DPYD: variants seen among roughly 807,000 people sequenced by gnomAD.
DPYD encodes the protein dihydropyrimidine dehydrogenase.
DPYD carries 109 observed loss-of-function variants against 116.2 expected under a neutral mutation model. The ratio of observed to expected loss-of-function variants is 0.94; its 90% CI spans 0.80 to 1.10. DPYD has a LOEUF of 1.10. Among genes scored for constraint, DPYD ranks in the 50% least tolerant of loss-of-function variants. DPYD has a pLI of 0.00. For missense variants in DPYD, 1,302 were observed against 1,254.5 expected (o/e 1.04, Z -0.57); for synonymous variants, 440 against 432.0 (o/e 1.02, Z -0.23).
intron 11 of DPYD, among the ~76,000 whole-genome samples, chr1:97,573,433 C>T (rs994171903): frequency 6.6e-6 from 1 of 151,990 alleles, no homozygotes. Context: ...AACTACTCTG[C>T]CTCATTTTCT....
At chr1:97,269,751 T>C (rs1015725024) in intron 18 of DPYD, among the ~76,000 whole-genome samples, 3 of 152,046 alleles carry the variant, frequency 2.0e-5, no homozygotes, top group African/African-American at 7.2e-5. Context: ...CCTATTGCAT[T>C]AGGGACCCAC....
chr1:97,750,852 T>G (rs1391639178), intron 3 of DPYD, among the ~76,000 whole-genome samples: 1 of 152,156 alleles, frequency 6.6e-6, no homozygotes, highest in Non-Finnish European at 1.5e-5. Flanking sequence ...GACTTGAGTA[T>G]GTGCAAATTT....
At chr1:97,688,249 T>C (rs1660838549) in intron 7 of DPYD, among the ~76,000 whole-genome samples, 1 of 152,178 alleles carries the variant, frequency 6.6e-6, no homozygotes, top group Non-Finnish European at 1.5e-5. Flanking sequence ...TTGATAACTG[T>C]TTATTTTAAA....
At chr1:97,855,889 G>A (rs760012866) in intron 2 of DPYD, 2 of 152,206 alleles carry the variant, frequency 1.3e-5, no homozygotes, top group African/African-American at 4.8e-5. Flanking sequence ...TAGGAAACAA[G>A]TTCTAAAATA....
chr1:97,846,204 A>G (rs1290766814), intron 2 of DPYD, among the ~76,000 whole-genome samples: 1 of 152,178 alleles, frequency 6.6e-6, no homozygotes, highest in Non-Finnish European at 1.5e-5. Context: ...ATCACGTGAC[A>G]CTGGGATGGT....
intron 13 of DPYD, among the ~76,000 whole-genome samples, chr1:97,484,747 A>G (rs993907921): frequency 1.3e-5 from 2 of 152,202 alleles, no homozygotes; most frequent in African/African-American, 4.8e-5. Context: ...CTCTTAAAAT[A>G]CATATTTACT....
chr1:97,549,466 C>A (rs1456199342), intron 12 of DPYD, 94 bp downstream of exon 12: 40 of 1,359,090 alleles, frequency 2.9e-5, no homozygotes, highest in Non-Finnish European at 4.1e-5. Context: ...TTATTATATA[C>A]CAAATAGAAA....
At chr1:97,669,605 T>C (rs369281512) in intron 8 of DPYD, among the ~76,000 whole-genome samples, 1 of 152,272 alleles carries the variant, frequency 6.6e-6, no homozygotes, top group African/African-American at 2.4e-5. Flanking sequence ...TGCTTTAGAG[T>C]ATACAGGTGT....
At chr1:97,290,208 A>T (rs930493836) in intron 18 of DPYD, among the ~76,000 whole-genome samples, 1 of 152,156 alleles carries the variant, frequency 6.6e-6, no homozygotes, top group Non-Finnish European at 1.5e-5. Context: ...GTGGAAGAAC[A>T]TTCCATGCTC....
At chr1:97,896,674 C>T (rs1034236239) in intron 1 of DPYD, among the ~76,000 whole-genome samples, 3 of 151,808 alleles carry the variant, frequency 2.0e-5, no homozygotes, top group Admixed American at 1.3e-4. Flanking sequence ...CATATCCCTG[C>T]CAAAAACATG....
intron 18 of DPYD, among the ~76,000 whole-genome samples, chr1:97,251,802 TA>T (rs904220818): frequency 8.5e-5 from 13 of 152,272 alleles, no homozygotes; most frequent in Non-Finnish European, 1.5e-4. Context: ...CCAGGCATGC[TA>T]AAAATCACTC....
chr1:97,303,959 G>T lies in DPYD; in HGVS notation c.2299+1300C>A, dbSNP rs147719188. Among the ~76,000 whole-genome samples, 16 of 152,130 alleles carry T rather than the reference G, an allele frequency of 1.1e-4. No individual in the cohort carries two copies. In the East Asian group the frequency reaches 1.7e-3, roughly 17 times the overall value. ...TATGCTTAAAGACTGCAACACAAAA[G>T]ACTTTTTCTAATGCTGTAATTTTGT... On this transcript the variant is annotated intron_variant, in intron 18 of 22. Coordinates refer to ENST00000370192, the MANE Select transcript of DPYD (RefSeq NM_000110.4).
chr1:97,356,955 G>A (rs1401456801), intron 16 of DPYD, among the ~76,000 whole-genome samples: 1 of 152,126 alleles, frequency 6.6e-6, no homozygotes, highest in African/African-American at 2.4e-5. Flanking sequence ...TTAGTATGAT[G>A]TCCACAGCTT....
intron 16 of DPYD, among the ~76,000 whole-genome samples, chr1:97,336,781 G>C (rs1010956234): frequency 2.0e-5 from 3 of 152,086 alleles, no homozygotes; most frequent in African/African-American, 7.2e-5. Flanking sequence ...ATCAAGGAAA[G>C]AGATGTGAAT....
intron 8 of DPYD, among the ~76,000 whole-genome samples, chr1:97,636,562 A>G (rs1412841585): frequency 6.6e-6 from 1 of 152,176 alleles, no homozygotes; most frequent in African/African-American, 2.4e-5. Flanking sequence ...GATTACTTGC[A>G]TTTGCCATTT....
rs547265761 is a variant in DPYD at position 97,876,029 on chromosome 1, T to C, written c.150+7235A>G. ...AGGCAAACTGATCTCTTTATTCAAA[T>C]GTCTACCAATTTTGAGTTAAATTAA... On this transcript the variant is annotated intron_variant, in intron 2 of 22. Transcript: ENST00000370192. 2.6e-5 allele frequency among the ~76,000 whole-genome samples: 4 copies of C among 152,170 alleles called. No individual in the cohort carries two copies. In the South Asian group the frequency reaches 8.3e-4, roughly 32 times the overall value.
chr1:97,234,813 T>C (rs779242963), intron 19 of DPYD, 39 bp downstream of exon 19: 19 of 1,612,214 alleles, frequency 1.2e-5, no homozygotes, highest in Middle Eastern at 1.6e-4. Flanking sequence ...ATTTGTGAGA[T>C]GGAGATTTTT....
intron 3 of DPYD, among the ~76,000 whole-genome samples, chr1:97,812,219 T>C (rs781403211): frequency 3.9e-5 from 6 of 152,286 alleles, no homozygotes; most frequent in Middle Eastern, 3.4e-3. Flanking sequence ...CCCTAGGCAC[T>C]AAGCTTTGAA....
intron 14 of DPYD, among the ~76,000 whole-genome samples, chr1:97,422,684 C>A (rs1271110199): frequency 6.6e-6 from 1 of 151,882 alleles, no homozygotes; most frequent in Non-Finnish European, 1.5e-5. Context: ...CTACTATGGA[C>A]CAGGAATTGG....
Sources: allele counts gnomAD v4.1 joint callset (sites outside exome capture counted in the v4.1 genomes callset), GRCh38; gene constraint gnomAD v4.1.1; transcripts MANE v1.5; gene names NCBI Gene and HGNC (gene_info 2026-07-23, HGNC 2026-07-21).